The following AOAH variants were observed in gnomAD, a reference collection of about 807,000 sequenced individuals.
AOAH encodes acyloxyacyl hydrolase, also known as acyloxyacyl hydrolase (neutrophil).
Under a neutral mutation model 92.2 loss-of-function variants are expected in AOAH, and 64 were observed. The ratio of observed to expected loss-of-function variants is 0.69; its 90% CI spans 0.57 to 0.86. The LOEUF is 0.86. AOAH is among the 40% of genes least tolerant of loss of function. The pLI is 0.00. For missense variants in AOAH, 656 were observed against 694.6 expected, an observed-to-expected ratio of 0.94 and a Z score of 0.62; for synonymous variants, 263 against 254.5, an observed-to-expected ratio of 1.03 and a Z score of -0.32.
intron 3 of AOAH, among the ~76,000 whole-genome samples, chr7:36,663,225 C>G (rs1795322695): frequency 6.6e-6 from 1 of 152,114 alleles, no homozygotes; most frequent in Non-Finnish European, 1.5e-5. Context: ...TCCCATTGAC[C>G]TCCTGCCCCG....
intron 2 of AOAH, among the ~76,000 whole-genome samples, chr7:36,677,016 T>C (rs1050297729): frequency 6.6e-6 from 1 of 152,060 alleles, no homozygotes; most frequent in Non-Finnish European, 1.5e-5. Context: ...TGACTTTGGG[T>C]TAGGCAACGT....
intron 1 of AOAH, among the ~76,000 whole-genome samples, chr7:36,692,175 T>C (rs1797441422): frequency 6.6e-6 from 1 of 152,212 alleles, no homozygotes; most frequent in African/African-American, 2.4e-5. Context: ...GCTTACGTGA[T>C]ACCACACATA....
chr7:36,666,701 T>G (rs1382563934), intron 3 of AOAH, among the ~76,000 whole-genome samples: 1 of 152,100 alleles, frequency 6.6e-6, no homozygotes, highest in Non-Finnish European at 1.5e-5. Context: ...ATATAGTCAT[T>G]CAATGCTACA....
chr7:36,570,765 T>A (rs1335326329), intron 13 of AOAH, among the ~76,000 whole-genome samples: 1 of 152,214 alleles, frequency 6.6e-6, no homozygotes, highest in Non-Finnish European at 1.5e-5. Context: ...AATTGTGGTT[T>A]TTGCCCACCA....
chr7:36,668,319 C>G (rs1795686867), intron 3 of AOAH, among the ~76,000 whole-genome samples: 1 of 152,174 alleles, frequency 6.6e-6, no homozygotes, highest in East Asian at 1.9e-4. Context: ...TTAACACAGT[C>G]TTGTCTACGT....
chr7:36,556,060 T>C (rs1182012304), intron 13 of AOAH, among the ~76,000 whole-genome samples: 1 of 152,192 alleles, frequency 6.6e-6, no homozygotes, highest in Non-Finnish European at 1.5e-5. Flanking sequence ...TTTCTAGTTC[T>C]TTTAATTGTG....
intron 6 of AOAH, among the ~76,000 whole-genome samples, chr7:36,624,808 C>G (rs1215953700): frequency 1.3e-5 from 2 of 152,202 alleles, no homozygotes; most frequent in Non-Finnish European, 2.9e-5. Flanking sequence ...CCCAGCAACC[C>G]CGCAGCAAGT....
intron 13 of AOAH, among the ~76,000 whole-genome samples, chr7:36,570,779 T>G (rs922060035): frequency 3.3e-5 from 5 of 152,208 alleles, no homozygotes; most frequent in African/African-American, 1.2e-4. Context: ...CCCACCACGG[T>G]GGTTTTTCAG....
At chr7:36,602,681 T>C (rs781094294) in intron 11 of AOAH, among the ~76,000 whole-genome samples, 10 of 152,224 alleles carry the variant, frequency 6.6e-5, no homozygotes, top group African/African-American at 9.7e-5. Flanking sequence ...CCTTTGATTC[T>C]GTAAAAGTTT....
At chr7:36,533,178 G>C (rs1018228318) in intron 16 of AOAH, among the ~76,000 whole-genome samples, 5 of 151,778 alleles carry the variant, frequency 3.3e-5, no homozygotes, top group Non-Finnish European at 7.4e-5. Flanking sequence ...TATCCACCCC[G>C]CTGAAGCAAT....
At chr7:36,566,915 A>G (rs1218873080) in intron 13 of AOAH, among the ~76,000 whole-genome samples, 1 of 152,068 alleles carries the variant, frequency 6.6e-6, no homozygotes, top group Non-Finnish European at 1.5e-5. Context: ...GGTTCCAGCG[A>G]TTCTCCTGCT....
At chr7:36,710,641 A>G (rs950167263) in intron 1 of AOAH, among the ~76,000 whole-genome samples, 2 of 152,260 alleles carry the variant, frequency 1.3e-5, no homozygotes, top group Non-Finnish European at 2.9e-5. Context: ...GTGGCAATTT[A>G]TCACGGAGCA....
chr7:36,517,945 C>CCACACACA (rs1292173983), intron 20 of AOAH, among the ~76,000 whole-genome samples: 3 of 11,494 alleles, frequency 2.6e-4, no homozygotes, highest in Admixed American at 1.0e-3. Flanking sequence ...ACACACACAC[C>CCACACACA]CACACACACA....
chr7:36,690,605 T>C (rs1332895764), intron 1 of AOAH, among the ~76,000 whole-genome samples: 5 of 152,186 alleles, frequency 3.3e-5, no homozygotes, highest in African/African-American at 1.2e-4. Flanking sequence ...TACAGACTAT[T>C]CTCTGGCTGC....
chr7:36,600,022 A>G (rs1440678499), intron 11 of AOAH: 1 of 152,336 alleles, frequency 6.6e-6, no homozygotes, highest in Non-Finnish European at 1.5e-5. Flanking sequence ...TGCTGCATGA[A>G]TCTGTCCTAC....
At chr7:36,588,044 C>A (rs560188141) in intron 12 of AOAH, among the ~76,000 whole-genome samples, 1 of 152,272 alleles carries the variant, frequency 6.6e-6, no homozygotes, top group East Asian at 1.9e-4. Flanking sequence ...AGTACAAATG[C>A]TTTATGCATA....
At chr7:36,530,587 C>T in intron 18 of AOAH, 73 bp from the exon 19 acceptor site, 1 of 990,982 alleles carries the variant, frequency 1.0e-6, no homozygotes, top group Non-Finnish European at 1.6e-6. Context: ...TCAGGCAGAA[C>T]AAAGAAATCG....
At chr7:36,666,179 G>A (rs182663685) in intron 3 of AOAH, among the ~76,000 whole-genome samples, 108 of 152,072 alleles carry the variant, frequency 7.1e-4, no homozygotes, top group Middle Eastern at 3.4e-3. Flanking sequence ...TCAGGGCTTC[G>A]TGTTTTTTGT....
intron 15 of AOAH, among the ~76,000 whole-genome samples, chr7:36,545,510 A>G (rs1785747670): frequency 6.6e-6 from 1 of 152,180 alleles, no homozygotes. Flanking sequence ...CTTCCTCTTA[A>G]TTCAGTGCTG....
Sources: allele counts gnomAD v4.1 joint callset (sites outside exome capture counted in the v4.1 genomes callset), GRCh38; gene constraint gnomAD v4.1.1; transcripts MANE v1.5; gene names NCBI Gene and HGNC (gene_info 2026-07-23, HGNC 2026-07-21).